GLA: variants seen among roughly 807,000 people sequenced by gnomAD.
The protein encoded by GLA is alpha-galactosidase A.
Under a neutral mutation model 28.2 loss-of-function variants are expected in GLA, and 4 were observed. The observed-to-expected ratio is 0.14, with a 90% CI of 0.07 to 0.32. The LOEUF is 0.32. Ranked by LOEUF, GLA falls within the 10% of genes least tolerant of loss-of-function variation. The pLI is 1.00. For missense variants in GLA, 203 were observed against 323.7 expected (o/e 0.63, Z 2.86); for synonymous variants, 94 against 113.0 (o/e 0.83, Z 1.07).
intron 1 of GLA, among the ~76,000 whole-genome samples, chrX:101,407,420 G>A (rs1928558682): frequency 9.1e-6 from 1 of 110,094 alleles, no homozygotes; most frequent in Non-Finnish European, 1.9e-5. Context: ...GGGAGAGAGA[G>A]AAAGAGAGAG....
chrX:101,401,156 G>A (rs1928300936), intron 3 of GLA: 1 of 193,951 alleles, frequency 5.2e-6, no homozygotes, highest in African/African-American at 3.0e-5. Flanking sequence ...ATTTTAAGAA[G>A]AGGCTACCTG....
Position 101,404,306 on chromosome X carries a change from A to G in GLA, c.195-321T>C, listed in dbSNP as rs115040259. Among the ~76,000 whole-genome samples, 592 of 111,937 alleles carry G rather than the reference A, an allele frequency of 5.3e-3. 5 individuals are homozygous for G. Among genetic ancestry groups the G allele is most frequent in the African/African-American group, 0.018 (546 of 30,794 alleles). ...TTAACATAATCAACAGATATCAACA[A>G]TAATCCTATTTGGAGAAAAAGATCC... On this transcript the variant is annotated intron_variant, in intron 1 of 6. Transcript: ENST00000218516.
intron 2 of GLA, among the ~76,000 whole-genome samples, chrX:101,402,751 G>A (rs1216482008): frequency 9.2e-5 from 10 of 108,926 alleles, no homozygotes; most frequent in Middle Eastern, 4.6e-3. Flanking sequence ...GCGACAGAGC[G>A]AGACTCCGTC....
At chrX:101,399,677 C>G (rs2473815) in intron 4 of GLA, 2 of 112,393 alleles carry the variant, frequency 1.8e-5, no homozygotes, top group Admixed American at 9.4e-5. Context: ...AATAACTATT[C>G]AACACTTAAC....
At chrX:101,407,461 C>CGAGA (rs782246787) in intron 1 of GLA, among the ~76,000 whole-genome samples, 10 of 103,726 alleles carry the variant, frequency 9.6e-5, no homozygotes, top group East Asian at 5.9e-4. Flanking sequence ...AGAAGGAGAA[C>CGAGA]GAGAGAGAGA....
intron 1 of GLA, among the ~76,000 whole-genome samples, chrX:101,407,461 C>A (rs868917187): frequency 1.1e-4 from 11 of 103,712 alleles, no homozygotes; most frequent in East Asian, 3.0e-4. Flanking sequence ...AGAAGGAGAA[C>A]GAGAGAGAGA....
At chrX:101,406,269 T>C (rs1478385897) in intron 1 of GLA, among the ~76,000 whole-genome samples, 5 of 103,176 alleles carry the variant, frequency 4.8e-5, no homozygotes, top group Non-Finnish European at 7.9e-5. Flanking sequence ...TAAGTAACAA[T>C]GAGGCAGAAT....
At chrX:101,403,733 G>C in intron 2 of GLA, 78 bp downstream of exon 2, 2 of 1,012,956 alleles carry the variant, frequency 2.0e-6, no homozygotes, top group Non-Finnish European at 2.8e-6. Flanking sequence ...CCGGCCATGA[G>C]GGCTGTTTCT....
chrX:101,404,150 T>C lies in GLA; in HGVS notation c.195-165A>G, dbSNP rs188819250. Among the ~76,000 whole-genome samples, 7 of 112,465 alleles carry C rather than the reference T, an allele frequency of 6.2e-5. No homozygotes were observed. The East Asian group carries it at 1.9e-3, about 31-fold the overall frequency. ...AATGAATTGTTTTTCCAGATTTTCT[T>C]TTGTCTCTCTTATCCCGTTAATATT... On this transcript the variant is annotated intron_variant, in intron 1 of 6. Transcript: ENST00000218516.
rs1928268671 is a variant in GLA, at chrX:101,400,557, G to A, written c.639+109C>T. Reference sequence around the variant, plus strand: ...AAGTGGTTGGAACCTGGGAGAGATGGTAGGATGATAGTAAGTAACGTTGGA... The same window carrying A: ...AAGTGGTTGGAACCTGGGAGAGATGATAGGATGATAGTAAGTAACGTTGGA... On this transcript the variant is annotated intron_variant, in intron 4 of 6. Coordinates refer to ENST00000218516, the MANE Select transcript of GLA (RefSeq NM_000169.3). 20 of 520,077 alleles carry A rather than the reference G, an allele frequency of 3.8e-5. No homozygotes were observed. The South Asian group carries it at 5.0e-4, about 13-fold the overall frequency. The allele number at this position is 520,077 out of a possible 1,213,427, so 42.9% of individuals were successfully genotyped here.
At chrX:101,398,972 GTT>G (rs782668768) in intron 4 of GLA, 26 bp from the exon 5 acceptor site, 18 of 1,164,048 alleles carry the variant, frequency 1.5e-5, no homozygotes, top group Non-Finnish European at 2.1e-5. Context: ...TGACTCTTCT[GTT>G]TACTTTCTAC....
chrX:101,401,289 A>G, intron 3 of GLA: 1 of 292,414 alleles, frequency 3.4e-6, no homozygotes, highest in Non-Finnish European at 6.2e-6. Flanking sequence ...GTGTATATTG[A>G]GGAAAGGCAG....
intron 1 of GLA, among the ~76,000 whole-genome samples, chrX:101,404,742 G>T (rs1928443048): frequency 9.2e-6 from 1 of 108,529 alleles, no homozygotes; most frequent in Admixed American, 9.8e-5. Context: ...GCTAATTTTT[G>T]TATCTTTAGT....
intron 1 of GLA, among the ~76,000 whole-genome samples, chrX:101,406,825 G>A (rs555676808): frequency 8.9e-6 from 1 of 112,712 alleles, no homozygotes; most frequent in South Asian, 3.6e-4. Context: ...TATTCATTCA[G>A]ATTTGTAGAT....
At position 101,402,486 on chromosome X, in the gene GLA, C is replaced by T. The variant is rs1348466051; in HGVS notation, c.370-677G>A. On this transcript the variant is annotated intron_variant, in intron 2 of 6. Transcript: ENST00000218516. ...CTGAATAAAATCTGTCTTCATCGGC[C>T]GGGCGTGGTGGCTCATGCCTGTAAT... 7.1e-5 allele frequency among the ~76,000 whole-genome samples: 8 copies of T among 112,241 alleles called. No individual in the cohort carries two copies. The South Asian group carries it at 1.5e-3, about 20-fold the overall frequency.
chrX:101,406,480 G>T (rs1437973297), intron 1 of GLA, among the ~76,000 whole-genome samples: 1 of 110,952 alleles, frequency 9.0e-6, no homozygotes, highest in Non-Finnish European at 1.9e-5. Context: ...TTTTCATTTT[G>T]CTCTTCTTTA....
intron 2 of GLA, among the ~76,000 whole-genome samples, 200 bp downstream of exon 2, chrX:101,403,611 T>C (rs782043313): frequency 9.0e-6 from 1 of 110,954 alleles, no homozygotes; most frequent in South Asian, 3.8e-4. Context: ...GTACTTTTAA[T>C]AGAGTTGGGG....
chrX:101,400,600 G>A, intron 4 of GLA, 66 bp downstream of exon 4: 1 of 634,358 alleles, frequency 1.6e-6, no homozygotes, highest in Non-Finnish European at 2.7e-6. Context: ...GGAGACCTTG[G>A]TTTCCTTTGT....
At chrX:101,404,566 CTT>C (rs1171364737) in intron 1 of GLA, among the ~76,000 whole-genome samples, 11 of 79,194 alleles carry the variant, frequency 1.4e-4, no homozygotes, top group African/African-American at 2.7e-4. Context: ...TCCTTTTTAT[CTT>C]TTTTTTTTTT....
Sources: gnomAD v4.1 joint callset for allele counts (sites outside exome capture counted in the v4.1 genomes callset) on GRCh38, gnomAD v4.1.1 for gene constraint, MANE v1.5 for transcripts, NCBI Gene and HGNC (gene_info 2026-07-23, HGNC 2026-07-21) for gene names.